The following DLG1 variants were observed in gnomAD, a reference collection of about 807,000 sequenced individuals.
The protein encoded by DLG1 is disks large homolog 1.
In DLG1, 42 loss-of-function variants were observed where a neutral mutation model predicts 123.4. The ratio of observed to expected loss-of-function variants is 0.34; its 90% CI spans 0.27 to 0.44. DLG1 has a LOEUF of 0.44. Among genes scored for constraint, DLG1 ranks in the 20% least tolerant of loss-of-function variants. The pLI is 1.00. For synonymous variants in DLG1, 317 were observed against 356.2 expected (o/e 0.89, Z 1.24); for missense variants, 942 against 1,082.6 (o/e 0.87, Z 1.82).
chr3:197,104,597 A>G (rs1765309153), intron 14 of DLG1, among the ~76,000 whole-genome samples: 1 of 152,062 alleles, frequency 6.6e-6, no homozygotes, highest in Non-Finnish European at 1.5e-5. Context: ...CAGGAGAATC[A>G]CTTGAACCTG....
chr3:197,051,460 A>AT, intron 24 of DLG1, 117 bp downstream of exon 24: 1 of 750,966 alleles, frequency 1.3e-6, no homozygotes. Flanking sequence ...AGGCTGGATG[A>AT]TACTAGTTAC....
chr3:197,152,855 TGTA>T (rs1267550382), intron 5 of DLG1, among the ~76,000 whole-genome samples: 1 of 152,026 alleles, frequency 6.6e-6, no homozygotes, highest in Admixed American at 6.6e-5. Context: ...CAAAGGATCT[TGTA>T]GTGATTGCTG....
chr3:197,058,223 G>A lies in DLG1; in HGVS notation c.2483+1666C>T, dbSNP rs189335863. On this transcript the variant is annotated intron_variant, in intron 23 of 24. Transcript: ENST00000667157. ...TTGAACTCCTGAACTCAAACAATCC[G>A]CCCACCTAGGCCTCCTGAAGTGTTG... Among the ~76,000 whole-genome samples, 68 of 152,170 alleles carry A rather than the reference G, an allele frequency of 4.5e-4. 1 individual carries two copies. Among genetic ancestry groups the A allele is most frequent in the South Asian group, 2.7e-3 (13 of 4,814 alleles).
At chr3:197,185,318 G>A (rs1012032122) in intron 5 of DLG1, among the ~76,000 whole-genome samples, 16 of 152,216 alleles carry the variant, frequency 1.1e-4, no homozygotes, top group African/African-American at 3.9e-4. Context: ...TCTTGACTCC[G>A]CAAGAAAACA....
At chr3:197,203,200 G>A (rs1726745428) in intron 4 of DLG1, among the ~76,000 whole-genome samples, 1 of 152,006 alleles carries the variant, frequency 6.6e-6, no homozygotes, top group Admixed American at 6.6e-5. Context: ...GGAGGTTGAG[G>A]CTGCAGTGAG....
At chr3:197,162,164 A>C (rs1293761061) in intron 5 of DLG1, among the ~76,000 whole-genome samples, 1 of 152,168 alleles carries the variant, frequency 6.6e-6, no homozygotes, top group Non-Finnish European at 1.5e-5. Flanking sequence ...AGACAAAGAG[A>C]GTTTACAAAT....
chr3:197,111,821 TTG>T (rs150056082), intron 13 of DLG1, among the ~76,000 whole-genome samples: 1,631 of 152,330 alleles, frequency 0.011, 31 homozygotes, highest in African/African-American at 0.037. Flanking sequence ...CATACTTGTT[TTG>T]TGTTTCAGTA....
At chr3:197,243,772 G>T (rs1425411454) in intron 4 of DLG1, among the ~76,000 whole-genome samples, 2 of 152,042 alleles carry the variant, frequency 1.3e-5, no homozygotes, top group African/African-American at 4.8e-5. Context: ...TTTATTAATT[G>T]TTGACCACCA....
At position 197,043,670 on chromosome 3, in the gene DLG1, A is replaced by G. The variant is rs1721339808; in HGVS notation, c.*953T>C. On this transcript the variant is annotated 3_prime_UTR_variant, in exon 25 of 25. Coordinates refer to ENST00000667157, the MANE Select transcript of DLG1 (RefSeq NM_001366207.1). ...AAGTTTTATATATATATTTATATAT[A>G]TTTTATTATAACAAAATAGGCAGCT... The G allele has an allele frequency of 6.6e-6, 1 of 151,012 alleles. No individual in the cohort carries two copies. The highest frequency in any genetic ancestry group is 6.6e-5 in the Admixed American group (1 of 15,120). The allele number at this position is 151,012 out of a possible 1,614,324, so 9.4% of individuals were successfully genotyped here.
intron 3 of DLG1, among the ~76,000 whole-genome samples, chr3:197,285,858 G>C (rs116129440): frequency 2.2e-4 from 33 of 152,272 alleles, no homozygotes; most frequent in African/African-American, 7.0e-4. Context: ...ATATGCTCCA[G>C]CAATTGCGCT....
intron 5 of DLG1, among the ~76,000 whole-genome samples, chr3:197,187,897 A>T (rs1157853414): frequency 6.6e-6 from 1 of 152,168 alleles, no homozygotes; most frequent in African/African-American, 2.4e-5. Context: ...ATTCTTCCCA[A>T]CACTGGCAAG....
intron 15 of DLG1, among the ~76,000 whole-genome samples, chr3:197,086,829 AC>A (rs1253480894): frequency 1.3e-5 from 2 of 152,248 alleles, no homozygotes; most frequent in Non-Finnish European, 2.9e-5. Context: ...AAGAGGTAGT[AC>A]AAATGTCAAG....
intron 11 of DLG1, among the ~76,000 whole-genome samples, chr3:197,126,244 A>C (rs573304107): frequency 6.6e-6 from 1 of 152,226 alleles, no homozygotes; most frequent in Admixed American, 6.5e-5. Flanking sequence ...GGGAGGCCGA[A>C]GTGGGTGGAT....
intron 4 of DLG1, among the ~76,000 whole-genome samples, chr3:197,271,881 C>G (rs1245159950): frequency 6.6e-6 from 1 of 152,180 alleles, no homozygotes; most frequent in East Asian, 1.9e-4. Context: ...CAAGCACAAT[C>G]TTGTCTGTGA....
At chr3:197,237,851 G>A (rs1404498908) in intron 4 of DLG1, among the ~76,000 whole-genome samples, 1 of 152,204 alleles carries the variant, frequency 6.6e-6, no homozygotes, top group African/African-American at 2.4e-5. Context: ...CAGTATTAAT[G>A]GAGAACTAAC....
chr3:197,132,368 T>G (rs952509061), intron 10 of DLG1, among the ~76,000 whole-genome samples: 2 of 152,214 alleles, frequency 1.3e-5, no homozygotes, highest in Admixed American at 1.3e-4. Context: ...AATATTAACT[T>G]TAATATATTT....
At chr3:197,159,148 G>A (rs997292992) in intron 5 of DLG1, among the ~76,000 whole-genome samples, 1 of 152,048 alleles carries the variant, frequency 6.6e-6, no homozygotes, top group Admixed American at 6.6e-5. Context: ...GGTGGAGTCG[G>A]GTAGGACTAT....
At chr3:197,168,528 C>T (rs1196089653) in intron 5 of DLG1, among the ~76,000 whole-genome samples, 1 of 152,136 alleles carries the variant, frequency 6.6e-6, no homozygotes, top group Non-Finnish European at 1.5e-5. Flanking sequence ...GGGTAAAACT[C>T]CGGGGAGCTG....
intron 4 of DLG1, among the ~76,000 whole-genome samples, chr3:197,254,973 T>C (rs1756158417): frequency 6.6e-6 from 1 of 152,018 alleles, no homozygotes; most frequent in Non-Finnish European, 1.5e-5. Flanking sequence ...GGAGAATCAC[T>C]TGAACCTGGA....
Sources: gnomAD v4.1 joint callset for allele counts (sites outside exome capture counted in the v4.1 genomes callset) on GRCh38, gnomAD v4.1.1 for gene constraint, MANE v1.5 for transcripts, NCBI Gene and HGNC (gene_info 2026-07-23, HGNC 2026-07-21) for gene names.